CA13: variants seen among roughly 807,000 people sequenced by gnomAD.
The protein encoded by CA13 is CA-XIII.
A neutral mutation model predicts 31.5 loss-of-function variants in CA13; 21 were observed. The ratio of observed to expected loss-of-function variants is 0.67; its 90% CI spans 0.47 to 0.96. The LOEUF (loss-of-function observed/expected upper bound fraction) is 0.96. CA13 is among the 40% of genes least tolerant of loss of function. The pLI is 0.00. For missense variants in CA13, 315 were observed against 318.9 expected (o/e 0.99, Z 0.09); for synonymous variants, 117 against 111.4 (o/e 1.05, Z -0.32).
chr8:85,276,367 C>T (rs889495212), intron 6 of CA13, among the ~76,000 whole-genome samples: 1 of 152,222 alleles, frequency 6.6e-6, no homozygotes, highest in Non-Finnish European at 1.5e-5. Context: ...CCCCCTGCTC[C>T]ACGGTGCCCA....
intron 1 of CA13, among the ~76,000 whole-genome samples, chr8:85,246,902 T>A (rs1813742993): frequency 6.6e-6 from 1 of 152,226 alleles, no homozygotes; most frequent in South Asian, 2.1e-4. Flanking sequence ...GCTTTCCTTC[T>A]ATTAGCATGT....
At chr8:85,268,450 G>A (rs775165265) in intron 5 of CA13, 22 bp from the exon 6 acceptor site, 31 of 1,612,894 alleles carry the variant, frequency 1.9e-5, no homozygotes, top group East Asian at 4.5e-5. Context: ...GTAATTTGTG[G>A]GAATTCTTTT....
chr8:85,268,377 A>G (rs1007497140), intron 5 of CA13, 95 bp from the exon 6 acceptor site: 2 of 1,061,094 alleles, frequency 1.9e-6, no homozygotes, highest in African/African-American at 3.2e-5. Flanking sequence ...TGTATTGTTT[A>G]TGGAATTATA....
chr8:85,256,800 C>A (rs1013943581), intron 2 of CA13, among the ~76,000 whole-genome samples: 2 of 152,190 alleles, frequency 1.3e-5, no homozygotes, highest in Non-Finnish European at 2.9e-5. Flanking sequence ...GCTAGCCCAT[C>A]GTAAGCTCTT....
chr8:85,251,389 T>C (rs1259885932), intron 2 of CA13, among the ~76,000 whole-genome samples: 1 of 152,214 alleles, frequency 6.6e-6, no homozygotes, highest in Non-Finnish European at 1.5e-5. Context: ...AATTAAGATA[T>C]CTTGTTATAT....
Position 85,245,890 on chromosome 8 carries a change from G to C in CA13, c.37+25G>C, listed in dbSNP as rs375151255. The C allele has an allele frequency of 8.8e-5, 142 of 1,614,038 alleles. No individual in the cohort carries two copies. In the African/African-American group the frequency reaches 1.3e-3, roughly 15 times the overall value. On this transcript the variant is annotated intron_variant, in intron 1 of 6. Transcript: ENST00000321764. ...GGTGAGCGCCTTTTCCTGATCCAAG[G>C]GGGGGTTTGTGCGGGGGACGAGAGG... is the stretch of plus-strand genomic sequence containing the variant.
chr8:85,266,815 G>C, intron 4 of CA13, 112 bp downstream of exon 4: 2 of 708,482 alleles, frequency 2.8e-6, no homozygotes, highest in Non-Finnish European at 4.7e-6. Flanking sequence ...TTTAGGTGTA[G>C]CAGTTTCCTT....
intron 3 of CA13, among the ~76,000 whole-genome samples, chr8:85,266,377 A>G (rs1392186235): frequency 6.6e-6 from 1 of 152,086 alleles, no homozygotes; most frequent in Non-Finnish European, 1.5e-5. Flanking sequence ...GGCATTCTAT[A>G]TAGTCTTTAA....
intron 3 of CA13, among the ~76,000 whole-genome samples, chr8:85,266,078 C>T (rs1267255169): frequency 6.6e-6 from 1 of 152,208 alleles, no homozygotes. Context: ...TTTGAGGCTG[C>T]TCCATTGCAG....
intron 5 of CA13, 104 bp from the exon 6 acceptor site, chr8:85,268,368 G>A (rs1807483263): frequency 1.0e-6 from 1 of 978,988 alleles, no homozygotes; most frequent in Admixed American, 2.1e-5. Flanking sequence ...CAGATATTCT[G>A]TATTGTTTAT....
chr8:85,271,608 A>G (rs1807527029), intron 6 of CA13, among the ~76,000 whole-genome samples: 1 of 152,224 alleles, frequency 6.6e-6, no homozygotes, highest in Non-Finnish European at 1.5e-5. Context: ...TGGGTTACTT[A>G]GCTGAAATTC....
rs1285360402 is a variant in CA13 at position 85,245,676 on chromosome 8, C to A, written c.-153C>A. 2 of 811,052 alleles carry A rather than the reference C, an allele frequency of 2.5e-6. No homozygotes were observed. The highest frequency in any genetic ancestry group is 2.0e-6 in the Non-Finnish European group (1 of 496,784). 50.2% of individuals were successfully genotyped at this position (811,052 alleles called of 1,614,324 possible). ...GCCTCTGCCGTCTGGAGGACGCAGG[C>A]GGGAGCGCCCCGGACCGGGTTCACG... On this transcript the variant is annotated 5_prime_UTR_variant, in exon 1 of 7. Transcript: ENST00000321764.
chr8:85,248,289 T>G (rs1226942255), intron 1 of CA13, among the ~76,000 whole-genome samples: 1 of 151,590 alleles, frequency 6.6e-6, no homozygotes, highest in African/African-American at 2.4e-5. Flanking sequence ...GAAATCTCGT[T>G]TCTACTAAAA....
At chr8:85,251,586 C>T (rs931410443) in intron 2 of CA13, among the ~76,000 whole-genome samples, 3 of 151,420 alleles carry the variant, frequency 2.0e-5, no homozygotes, top group Non-Finnish European at 4.4e-5. Flanking sequence ...AAGTTTTAGC[C>T]GTAATTATTT....
chr8:85,268,351 C>A, intron 5 of CA13, 121 bp from the exon 6 acceptor site: 1 of 856,296 alleles, frequency 1.2e-6, no homozygotes, highest in Non-Finnish European at 1.8e-6. Flanking sequence ...TTACATAATT[C>A]TAGATGCAGA....
Position 85,245,701 on chromosome 8 carries a change from G to T in CA13, c.-128G>T. 2.8e-6 allele frequency: 3 copies of T among 1,060,054 alleles called. No individual in the cohort carries two copies. Among genetic ancestry groups the T allele is most frequent in the Non-Finnish European group, 4.3e-6 (3 of 700,622 alleles). 65.7% of individuals were successfully genotyped at this position (1,060,054 alleles called of 1,614,324 possible). On this transcript the variant is annotated 5_prime_UTR_variant, in exon 1 of 7. Coordinates refer to ENST00000321764, the MANE Select transcript of CA13 (RefSeq NM_198584.3). ...CGGGAGCGCCCCGGACCGGGTTCAC[G>T]GTCTCGCACTCCTGCCGCCGGCGCC...
intron 6 of CA13, among the ~76,000 whole-genome samples, chr8:85,275,150 G>A (rs1277672654): frequency 6.6e-6 from 1 of 152,040 alleles, no homozygotes; most frequent in Non-Finnish European, 1.5e-5. Flanking sequence ...GGCCTTTTTT[G>A]ACAAGACATA....
chr8:85,279,576 A>G (rs1807666940), intron 6 of CA13, among the ~76,000 whole-genome samples: 1 of 152,210 alleles, frequency 6.6e-6, no homozygotes, highest in Non-Finnish European at 1.5e-5. Context: ...CTGCTGGGAC[A>G]GGGAGCCATG....
intron 5 of CA13, 85 bp downstream of exon 5, chr8:85,268,049 C>A (rs60119253): frequency 3.6e-6 from 3 of 838,748 alleles, no homozygotes; most frequent in South Asian, 1.9e-5. Flanking sequence ...TAGACATATG[C>A]TGCCTGCTTT....
Sources: gnomAD v4.1 joint callset for allele counts (sites outside exome capture counted in the v4.1 genomes callset) on GRCh38, gnomAD v4.1.1 for gene constraint, MANE v1.5 for transcripts, NCBI Gene and HGNC (gene_info 2026-07-23, HGNC 2026-07-21) for gene names.